The following ROBO2 variants were observed in gnomAD, a reference collection of about 807,000 sequenced individuals.
ROBO2 encodes roundabout guidance receptor 2.
Under a neutral mutation model 160.8 loss-of-function variants are expected in ROBO2, and 53 were observed. That is an observed-to-expected ratio of 0.33 (90% confidence interval 0.26 to 0.41). The LOEUF (loss-of-function observed/expected upper bound fraction) is 0.41, where lower values mean the gene tolerates loss of function less well. Among genes scored for constraint, ROBO2 ranks in the 10% least tolerant of loss-of-function variants. The pLI is 1.00. For missense variants in ROBO2, 1,577 were observed against 1,722.4 expected, an observed-to-expected ratio of 0.92 and a Z score of 1.49; for synonymous variants, 664 against 611.7, an observed-to-expected ratio of 1.09 and a Z score of -1.26.
chr3:77,195,939 G>C (rs2082269341), intron 2 of ROBO2, among the ~76,000 whole-genome samples: 1 of 152,208 alleles, frequency 6.6e-6, no homozygotes, highest in Non-Finnish European at 1.5e-5. Context: ...GGTGATAAAT[G>C]TCCAAGGACC....
intron 2 of ROBO2, chr3:76,434,694 G>A (rs367732435): frequency 9.1e-6 from 10 of 1,104,874 alleles, no homozygotes; most frequent in South Asian, 2.5e-5. Flanking sequence ...CCTCCTCCCC[G>A]TTCACCAGGC....
At chr3:76,392,911 G>C (rs144379336) in intron 2 of ROBO2, among the ~76,000 whole-genome samples, 2 of 152,142 alleles carry the variant, frequency 1.3e-5, no homozygotes, top group African/African-American at 2.4e-5. Context: ...TTGCTAAACT[G>C]TCTAGAATAA....
chr3:76,111,007 T>A (rs930533874), intron 2 of ROBO2, among the ~76,000 whole-genome samples: 4 of 152,130 alleles, frequency 2.6e-5, no homozygotes, highest in Admixed American at 1.3e-4. Context: ...CTAGTGTTAA[T>A]GGTTTTATTT....
intron 2 of ROBO2, among the ~76,000 whole-genome samples, chr3:76,106,471 G>T (rs760352364): frequency 6.6e-6 from 1 of 151,946 alleles, no homozygotes; most frequent in Non-Finnish European, 1.5e-5. Context: ...TTACATATTT[G>T]CTTGGACTTG....
chr3:76,808,640 A>G (rs1470730026), intron 2 of ROBO2, among the ~76,000 whole-genome samples: 1 of 152,140 alleles, frequency 6.6e-6, no homozygotes, highest in Non-Finnish European at 1.5e-5. Context: ...GAATCATTCT[A>G]AGAAGAATGA....
intron 1 of ROBO2, chr3:77,092,193 T>A (rs2070388351): frequency 6.6e-6 from 1 of 151,812 alleles, no homozygotes. Flanking sequence ...GCAGGCAGTC[T>A]GAGAATCAGG....
At chr3:77,015,038 GT>G (rs1443428906) in intron 2 of ROBO2, among the ~76,000 whole-genome samples, 2 of 150,312 alleles carry the variant, frequency 1.3e-5, no homozygotes, top group South Asian at 4.2e-4. Flanking sequence ...AGTTCAACTT[GT>G]AAAAAAAAAA....
intron 2 of ROBO2, among the ~76,000 whole-genome samples, chr3:76,881,489 A>G (rs2073332946): frequency 6.6e-6 from 1 of 152,226 alleles, no homozygotes; most frequent in Admixed American, 6.5e-5. Flanking sequence ...TTCATCTGCT[A>G]CATTGCATTG....
At chr3:77,542,139 A>G (rs1206400516) in intron 6 of ROBO2, among the ~76,000 whole-genome samples, 3 of 152,236 alleles carry the variant, frequency 2.0e-5, no homozygotes, top group Non-Finnish European at 4.4e-5. Context: ...GTGGAGGGTT[A>G]TTAGAAGAAT....
At chr3:75,935,267 C>G (rs1032041806) in intron 1 of ROBO2, among the ~76,000 whole-genome samples, 5 of 152,108 alleles carry the variant, frequency 3.3e-5, no homozygotes, top group Non-Finnish European at 5.9e-5. Flanking sequence ...CACCTGTAAT[C>G]TCATTGCTTT....
At chr3:77,352,844 G>T (rs1318324765) in intron 2 of ROBO2, among the ~76,000 whole-genome samples, 8 of 152,068 alleles carry the variant, frequency 5.3e-5, no homozygotes, top group Non-Finnish European at 8.8e-5. Context: ...GTGACAAGAC[G>T]GCTAGAGAGA....
At chr3:77,477,976 G>A (rs565079552) in intron 3 of ROBO2, among the ~76,000 whole-genome samples, 6 of 151,644 alleles carry the variant, frequency 4.0e-5, no homozygotes, top group East Asian at 3.9e-4. Context: ...ACAGGTGTGC[G>A]CCACCACGCC....
intron 1 of ROBO2, chr3:77,092,190 G>A (rs1020412310): frequency 6.6e-5 from 10 of 151,832 alleles, no homozygotes; most frequent in Admixed American, 2.6e-4. Context: ...GATGCAGGCA[G>A]TCTGAGAATC....
intron 2 of ROBO2, among the ~76,000 whole-genome samples, chr3:76,230,697 C>A (rs1333359631): frequency 2.9e-5 from 1 of 34,588 alleles, no homozygotes; most frequent in Non-Finnish European, 8.4e-5. Flanking sequence ...TCTGCCCCAA[C>A]CCTCTCCTTC....
chr3:76,477,757 G>A (rs1161739837), intron 2 of ROBO2, among the ~76,000 whole-genome samples: 1 of 151,716 alleles, frequency 6.6e-6, no homozygotes, highest in Non-Finnish European at 1.5e-5. Flanking sequence ...CTTACATTCA[G>A]TTTAATCAAA....
In ROBO2 at chr3:77,562,647, C is replaced by G. The variant is rs367798720; in HGVS notation, c.1438-4C>G. The G allele has an allele frequency of 6.2e-7, 1 of 1,608,384 alleles. No individual in the cohort carries two copies. Among genetic ancestry groups the G allele is most frequent in the Non-Finnish European group, 8.5e-7 (1 of 1,175,378 alleles). ...TTTAATTCTCTCCCTTCTGTGCACA[C>G]TAGATTTCTGATACTGGCACTTATA... On this transcript the variant is annotated splice_region_variant and splice_polypyrimidine_tract_variant and intron_variant, in intron 9 of 25. Coordinates refer to ENST00000461745, the Ensembl canonical transcript of ROBO2.
At chr3:76,603,332 C>CAAAAA (rs61547121) in intron 2 of ROBO2, among the ~76,000 whole-genome samples, 4 of 66,530 alleles carry the variant, frequency 6.0e-5, no homozygotes, top group African/African-American at 3.3e-4. Flanking sequence ...ACTCCATCTC[C>CAAAAA]AAAAAAAAAA....
At chr3:76,957,810 T>A (rs1460231574) in intron 2 of ROBO2, among the ~76,000 whole-genome samples, 1 of 149,630 alleles carries the variant, frequency 6.7e-6, no homozygotes, top group African/African-American at 2.5e-5. Flanking sequence ...CAGCCTGGGC[T>A]ACAGAGCAAG....
At chr3:77,439,555 T>C (rs920276606) in intron 2 of ROBO2, among the ~76,000 whole-genome samples, 2 of 152,128 alleles carry the variant, frequency 1.3e-5, no homozygotes, top group Admixed American at 6.6e-5. Context: ...ACTTACGTTG[T>C]TCAGGGCAGA....
Sources: allele counts gnomAD v4.1 joint callset (sites outside exome capture counted in the v4.1 genomes callset), GRCh38; gene constraint gnomAD v4.1.1; transcripts MANE v1.5; gene names NCBI Gene and HGNC (gene_info 2026-07-23, HGNC 2026-07-21).